Variants in PDZD2 observed in about 807,000 individuals in gnomAD.
The protein encoded by PDZD2 is PDZ domain containing 2.
In PDZD2, 90 loss-of-function variants were observed where a neutral mutation model predicts 220.7. The ratio of observed to expected loss-of-function variants is 0.41; its 90% CI spans 0.34 to 0.49. The LOEUF is 0.49. Ranked by LOEUF, PDZD2 falls within the 20% of genes least tolerant of loss-of-function variation. The probability of loss-of-function intolerance (pLI) is 0.28; values close to 1 mark genes in which losing one functional copy is unlikely to be tolerated. For synonymous variants in PDZD2, 1,375 were observed against 1,450.5 expected (o/e 0.95, Z 1.18); for missense variants, 3,174 against 3,608.5 (o/e 0.88, Z 3.08).
At chr5:31,905,208 T>C (rs1742534581) in intron 2 of PDZD2, among the ~76,000 whole-genome samples, 1 of 152,158 alleles carries the variant, frequency 6.6e-6, no homozygotes, top group African/African-American at 2.4e-5. Flanking sequence ...CTCAAACTCC[T>C]GGCCTCAGGT....
intron 2 of PDZD2, among the ~76,000 whole-genome samples, chr5:31,882,791 G>T (rs1740043698): frequency 1.3e-5 from 2 of 151,968 alleles, no homozygotes; most frequent in African/African-American, 4.8e-5. Flanking sequence ...CACTTTGGGA[G>T]GCCGAGGTGG....
intron 14 of PDZD2, 61 bp from the exon 15 acceptor site, chr5:32,069,508 C>G: frequency 5.1e-6 from 5 of 977,216 alleles, no homozygotes; most frequent in Non-Finnish European, 8.3e-6. Context: ...GTCCTAGGTA[C>G]TTTCATTGGG....
At position 32,010,406 on chromosome 5, in the gene PDZD2, C is replaced by T. The variant is rs1753199190; in HGVS notation, c.1331C>T (p.Ser444Phe). The stretch of plus-strand genomic sequence containing the variant: ...CTGACCAGCTCGGTAGAAGATGTGT[C>T]CTCCTGGACTGATAACGAAGACCAG... The part of the protein sequence containing the change: ...PDLTSSVEDV[S>F]SWTDNEDQEA... The change falls in exon 6 of 25, where the codon TCC becomes TTC. Residue 444 changes from serine to phenylalanine, a missense_variant. By Grantham distance (155) the Ser-to-Phe change is radical. Around this residue, in one of 4 missense-constraint regions of PDZD2, gnomAD observed 632 missense variants for 708.1 expected, o/e 0.89. Coordinates refer to ENST00000438447, the MANE Select transcript of PDZD2 (RefSeq NM_178140.4). The T allele has an allele frequency of 1.2e-6, 2 of 1,611,340 alleles. No homozygotes were observed. The highest frequency in any genetic ancestry group is 4.5e-5 in the East Asian group (2 of 44,838).
chr5:31,712,442 C>T (rs1748172968), intron 1 of PDZD2, among the ~76,000 whole-genome samples: 1 of 130,208 alleles, frequency 7.7e-6, no homozygotes, highest in Non-Finnish European at 1.6e-5. Flanking sequence ...ACTGGGATGG[C>T]TGGGCCTGCC....
chr5:31,816,270 A>G (rs1040601781), intron 2 of PDZD2, among the ~76,000 whole-genome samples: 4 of 147,886 alleles, frequency 2.7e-5, no homozygotes, highest in Non-Finnish European at 5.9e-5. Flanking sequence ...CCTGGGCGAC[A>G]GAGCGAGACT....
At chr5:31,685,430 T>C (rs1746815047) in intron 1 of PDZD2, among the ~76,000 whole-genome samples, 1 of 152,070 alleles carries the variant, frequency 6.6e-6, no homozygotes. Flanking sequence ...GTGAAAAGAG[T>C]AAAATGAACC....
chr5:31,814,398 C>A (rs1454373557), intron 2 of PDZD2, among the ~76,000 whole-genome samples: 1 of 152,110 alleles, frequency 6.6e-6, no homozygotes, highest in Non-Finnish European at 1.5e-5. Flanking sequence ...TAGGTTACAG[C>A]CTGATTTTAC....
chr5:31,867,716 A>G (rs927667060), intron 2 of PDZD2, among the ~76,000 whole-genome samples: 1 of 152,184 alleles, frequency 6.6e-6, no homozygotes, highest in African/African-American at 2.4e-5. Context: ...ACTGCCTGAG[A>G]GCAAGCTGAG....
intron 1 of PDZD2, among the ~76,000 whole-genome samples, chr5:31,741,198 C>G (rs1352999178): frequency 1.0e-5 from 1 of 97,506 alleles, no homozygotes; most frequent in Non-Finnish European, 2.2e-5. Flanking sequence ...TGTGTACACA[C>G]ACACACACAC....
At chr5:31,976,816 C>T (rs1295599496) in intron 2 of PDZD2, among the ~76,000 whole-genome samples, 2 of 141,262 alleles carry the variant, frequency 1.4e-5, no homozygotes, top group African/African-American at 5.2e-5. Context: ...TTCCCAGGTT[C>T]AAGCGATTCT....
intron 2 of PDZD2, among the ~76,000 whole-genome samples, chr5:31,814,220 A>G (rs924681267): frequency 1.3e-5 from 2 of 152,224 alleles, no homozygotes; most frequent in African/African-American, 4.8e-5. Context: ...TAGAATAAAA[A>G]GGAATTCAGG....
At chr5:31,963,556 G>A (rs533428479) in intron 2 of PDZD2, among the ~76,000 whole-genome samples, 2 of 152,212 alleles carry the variant, frequency 1.3e-5, no homozygotes, top group African/African-American at 4.8e-5. Flanking sequence ...ATATTCAGGG[G>A]TCAGCTGATC....
At position 31,876,240 on chromosome 5, in the gene PDZD2, A is replaced by T. The variant is rs1279634637; in HGVS notation, c.476+76516A>T. On this transcript the variant is annotated intron_variant, in intron 2 of 24. Transcript: ENST00000438447. ...GTTTTTTCTTAGTATTGCATTCTCT[A>T]TTTGGTTATTGCTAGTGTAAAGGAA... Among the ~76,000 whole-genome samples the T allele has an allele frequency of 2.0e-5, 3 of 148,850 alleles. No individual in the cohort carries two copies. The East Asian group carries it at 5.9e-4, about 29-fold the overall frequency.
chr5:31,757,011 G>A (rs879455796), intron 1 of PDZD2, among the ~76,000 whole-genome samples: 10 of 152,234 alleles, frequency 6.6e-5, no homozygotes, highest in African/African-American at 1.9e-4. Context: ...TGGCTGGGTC[G>A]GGCGGTTCAT....
At position 32,091,190 on chromosome 5, in the gene PDZD2, A is replaced by G. The variant is rs1471333392; in HGVS notation, c.7727+15A>G. On this transcript the variant is annotated intron_variant, in intron 20 of 24. Transcript: ENST00000438447. ...TGGTCAGTTAAGTAAGTATCTGCCC[A>G]CTACTTTTATTTCAGATAAACTTGT... 1 of 1,503,528 alleles carries G rather than the reference A, an allele frequency of 6.7e-7. No homozygotes were observed. The highest frequency in any genetic ancestry group is 8.9e-7 in the Non-Finnish European group (1 of 1,120,772). The allele number at this position is 1,503,528 out of a possible 1,614,324, so 93.1% of individuals were successfully genotyped here. A position where few individuals can be genotyped will look rare whatever the true frequency, so the allele number is the denominator to read the frequency against.
chr5:31,651,714 C>T (rs1296923330), intron 1 of PDZD2, among the ~76,000 whole-genome samples: 3 of 151,926 alleles, frequency 2.0e-5, no homozygotes, highest in Admixed American at 2.0e-4. Context: ...TCACTGCAGC[C>T]TCAACCTCCC....
chr5:31,893,437 T>C (rs1741246090), intron 2 of PDZD2, among the ~76,000 whole-genome samples: 1 of 152,070 alleles, frequency 6.6e-6, no homozygotes, highest in African/African-American at 2.4e-5. Flanking sequence ...CACGTGGTGG[T>C]CCACACTTGT....
chr5:32,026,285 T>C (rs866046482), intron 6 of PDZD2, among the ~76,000 whole-genome samples: 1 of 152,066 alleles, frequency 6.6e-6, no homozygotes, highest in South Asian at 2.1e-4. Context: ...TACAGGCATG[T>C]GCCACCACAC....
intron 2 of PDZD2, among the ~76,000 whole-genome samples, chr5:31,813,172 C>T (rs1275406834): frequency 6.6e-6 from 1 of 152,066 alleles, no homozygotes; most frequent in African/African-American, 2.4e-5. Flanking sequence ...TATTCACGGC[C>T]AGGTGCGGTG....
Sources: gnomAD v4.1 joint callset for allele counts (sites outside exome capture counted in the v4.1 genomes callset) on GRCh38, gnomAD v4.1.1 for gene constraint, gnomAD v4.1.1 regional missense constraint, MANE v1.5 for transcripts, NCBI Gene and HGNC (gene_info 2026-07-23, HGNC 2026-07-21) for gene names.